FCRLA: variants seen among roughly 807,000 people sequenced by gnomAD.
FCRLA encodes Fc receptor like A.
FCRLA carries 26 observed loss-of-function variants against 28.4 expected under a neutral mutation model. That is an observed-to-expected ratio of 0.91 (90% CI 0.67 to 1.27). FCRLA has a LOEUF of 1.27. Among genes scored for constraint, FCRLA ranks in the 50% most tolerant of loss-of-function variants. FCRLA has a pLI of 0.00. For missense variants in FCRLA, 422 were observed against 433.1 expected (o/e 0.97, Z 0.23); for synonymous variants, 174 against 168.5 (o/e 1.03, Z -0.25).
chr1:161,707,315 T>C lies in FCRLA; in HGVS notation c.51T>C (p.Gly17=), dbSNP rs2298025. 1,970 of 1,612,966 alleles carry C rather than the reference T, an allele frequency of 1.2e-3. 50 individuals are homozygous for C. In the East Asian group the frequency reaches 0.038, roughly 31 times the overall value. ...CCTGGGCCCTCTACCTTTCCCTTGG[T>C]GTGCTCTGGGTGGCCCAGATGCTAC... The part of the protein sequence containing the change: ...LMAWALYLSL[G]VLWVAQMLLA... The change falls in exon 1 of 5, where the codon GGT becomes GGC. Residue 17 remains glycine, a synonymous_variant. Coordinates refer to ENST00000236938, the MANE Select transcript of FCRLA (RefSeq NM_032738.4).
At chr1:161,708,964 T>C (rs891644034) in intron 1 of FCRLA, among the ~76,000 whole-genome samples, 1 of 152,194 alleles carries the variant, frequency 6.6e-6, no homozygotes, top group African/African-American at 2.4e-5. Context: ...TGGAATCAGA[T>C]ACTCCTGTTT....
At chr1:161,712,413 G>A (rs1338567074) in intron 4 of FCRLA, among the ~76,000 whole-genome samples, 195 bp downstream of exon 4, 1 of 152,154 alleles carries the variant, frequency 6.6e-6, no homozygotes, top group African/African-American at 2.4e-5. Flanking sequence ...TCAGACTGTG[G>A]TGCACACCTC....
At position 161,707,276 on chromosome 1, in the gene FCRLA, C is replaced by A. The variant is rs754869441; in HGVS notation, c.12C>A (p.Gly4=). ...TAAACACAGTCACCATGAAGCTGGGCTGTGTCCTCATGGCCTGGGCCCTCT... is the reference window on the plus strand; with the variant it reads ...TAAACACAGTCACCATGAAGCTGGGATGTGTCCTCATGGCCTGGGCCCTCT... MKL[G]CVLMAWALYL... is the part of the protein sequence containing the mutation. The change falls in exon 1 of 5, where the codon GGC becomes GGA. Residue 4 remains glycine (G), a synonymous_variant. Coordinates refer to ENST00000236938, the MANE Select transcript of FCRLA (RefSeq NM_032738.4). The A allele has an allele frequency of 1.2e-6, 2 of 1,614,020 alleles. No homozygotes were observed. The highest frequency in any genetic ancestry group is 8.5e-7 in the Non-Finnish European group (1 of 1,179,936).
At chr1:161,710,325 G>A (rs999346342) in intron 1 of FCRLA, 41 of 695,776 alleles carry the variant, frequency 5.9e-5, no homozygotes, top group African/African-American at 2.7e-4. Flanking sequence ...TACCTGGAAA[G>A]TTTGTGAGGA....
At position 161,712,000 on chromosome 1, in the gene FCRLA, C is replaced by T. The variant is rs768951943; in HGVS notation, c.566C>T (p.Thr189Ile). Residue 189 changes from threonine (T) to isoleucine (I), a missense_variant, in exon 4 of 5, where the codon ACC (threonine) becomes ATC (isoleucine). By Grantham distance (89) the Thr-to-Ile change is moderately conservative. Transcript: ENST00000236938. ...SAEPQAGSPM[T>I]LSCQTKLPLQ... is the part of the protein sequence containing the mutation. ...GAACCCCAAGCAGGAAGCCCCATGA[C>T]CCTGAGTTGTCAGACAAAGTTGCCC... is the stretch of plus-strand genomic sequence containing the variant. 6 of 1,614,006 alleles carry T rather than the reference C, an allele frequency of 3.7e-6. No homozygotes were observed. In the Admixed American group the frequency reaches 5.0e-5, roughly 13 times the overall value.
chr1:161,710,298 A>G (rs72704082), intron 1 of FCRLA: 138 of 622,466 alleles, frequency 2.2e-4, no homozygotes, highest in Admixed American at 4.8e-4. Flanking sequence ...AGATTATAAA[A>G]TGAGGATAAA....
chr1:161,713,038 C>T (rs1253922091), intron 4 of FCRLA, 47 bp from the exon 5 acceptor site: 1 of 1,560,260 alleles, frequency 6.4e-7, no homozygotes, highest in Non-Finnish European at 8.7e-7. Flanking sequence ...AGGGAAGGGC[C>T]AGAGTCAGAC....
Position 161,713,514 on chromosome 1 carries a change from G to A in FCRLA, c.*134G>A, listed in dbSNP as rs1039390828. 1.4e-5 allele frequency: 10 copies of A among 691,752 alleles called. No homozygotes were observed. The highest frequency in any genetic ancestry group is 6.3e-5 in the Admixed American group (2 of 31,872). The allele number at this position is 691,752 out of a possible 1,614,324, so 42.9% of individuals were successfully genotyped here. ...GTGTTTTGTTAGAATAATGTAGTTA[G>A]GTGAGTGTAAATAAATTTATATAAA... On this transcript the variant is annotated 3_prime_UTR_variant, in exon 5 of 5. Coordinates refer to ENST00000236938, the MANE Select transcript of FCRLA (RefSeq NM_032738.4).
chr1:161,709,078 C>T (rs540365052), intron 1 of FCRLA, among the ~76,000 whole-genome samples: 2 of 152,240 alleles, frequency 1.3e-5, no homozygotes, highest in South Asian at 2.1e-4. Context: ...TAATACCTAC[C>T]ACCTAAGGTT....
At chr1:161,709,970 A>T (rs1683015252) in intron 1 of FCRLA, among the ~76,000 whole-genome samples, 2 of 152,178 alleles carry the variant, frequency 1.3e-5, no homozygotes, top group South Asian at 4.1e-4. Flanking sequence ...CAAGTGGCAG[A>T]GGACATTAAA....
In FCRLA at chr1:161,711,990, A is replaced by G. The variant is rs2275603; in HGVS notation, c.556A>G (p.Ser186Gly). 411,686 of 1,613,732 alleles carry G rather than the reference A, an allele frequency of 0.26. 64,369 individuals carry two copies. Among genetic ancestry groups the G allele is most frequent in the African/African-American group, 0.66 (49,760 of 74,870 alleles). Residue 186 changes from serine to glycine, a missense_variant, in exon 4 of 5, where the codon AGC (serine) becomes GGC (glycine). Physicochemically the swap from Ser to Gly is moderately conservative, Grantham distance 56. Around this residue, in one of 3 missense-constraint regions of FCRLA, gnomAD observed 6 missense variants for 20.4 expected, o/e 0.29. Coordinates refer to ENST00000236938, the MANE Select transcript of FCRLA (RefSeq NM_032738.4). Reference protein sequence around the residue: ...AVPSAEPQAGSPMTLSCQTKL... With the variant: ...AVPSAEPQAGGPMTLSCQTKL... ...ACCCTCAGCTGAACCCCAAGCAGGAAGCCCCATGACCCTGAGTTGTCAGAC... is the reference window on the plus strand; with the variant it reads ...ACCCTCAGCTGAACCCCAAGCAGGAGGCCCCATGACCCTGAGTTGTCAGAC...
In FCRLA at chr1:161,707,350, A is replaced by G. The variant is rs751579406; in HGVS notation, c.79+7A>G. Reference sequence around the variant, plus strand: ...GTGGCCCAGATGCTACTGGGTAAGTAAAATATTTGAATATTGGTGTGGGAA... The same window carrying G: ...GTGGCCCAGATGCTACTGGGTAAGTGAAATATTTGAATATTGGTGTGGGAA... On this transcript the variant is annotated splice_region_variant and intron_variant, in intron 1 of 4. Coordinates refer to ENST00000236938, the MANE Select transcript of FCRLA (RefSeq NM_032738.4). 5 of 1,575,706 alleles carry G rather than the reference A, an allele frequency of 3.2e-6. No individual in the cohort carries two copies. The highest frequency in any genetic ancestry group is 1.2e-5 in the South Asian group (1 of 85,220).
chr1:161,708,343 A>G (rs1682933449), intron 1 of FCRLA, among the ~76,000 whole-genome samples: 1 of 152,190 alleles, frequency 6.6e-6, no homozygotes, highest in African/African-American at 2.4e-5. Flanking sequence ...TTGTTCATAG[A>G]AGCAGTCCCT....
chr1:161,710,491 C>G (rs766531606), intron 1 of FCRLA: 1 of 1,550,742 alleles, frequency 6.4e-7, no homozygotes, highest in Non-Finnish European at 8.7e-7. Context: ...GATGTCATGC[C>G]GGTGAGTTTC....
chr1:161,712,311 T>G (rs934864069), intron 4 of FCRLA, 93 bp downstream of exon 4: 14 of 1,457,050 alleles, frequency 9.6e-6, no homozygotes, highest in Non-Finnish European at 8.4e-6. Context: ...TGGGGTTCAG[T>G]GTGAGCAGGT....
At position 161,707,379 on chromosome 1, in the gene FCRLA, A is replaced by C. The variant is rs752710859; in HGVS notation, c.79+36A>C. The stretch of plus-strand genomic sequence containing the variant: ...TATTTGAATATTGGTGTGGGAATGG[A>C]GCTTTGCTTACCTTGGGAGAAAGGA... On this transcript the variant is annotated intron_variant, in intron 1 of 4. Coordinates refer to ENST00000236938, the MANE Select transcript of FCRLA (RefSeq NM_032738.4). The C allele has an allele frequency of 2.9e-5, 44 of 1,543,834 alleles. No homozygotes were observed. The East Asian group carries it at 1.0e-3, about 35-fold the overall frequency.
At chr1:161,712,979 G>C (rs1571069023) in intron 4 of FCRLA, 106 bp from the exon 5 acceptor site, 1 of 1,308,220 alleles carries the variant, frequency 7.6e-7, no homozygotes, top group Non-Finnish European at 1.1e-6. Context: ...TGCTGCCATT[G>C]GGCCCCACAG....
At position 161,713,081 on chromosome 1, in the gene FCRLA, T is replaced by C. The variant is rs139816319; in HGVS notation, c.785-4T>C. 4.4e-4 allele frequency: 704 copies of C among 1,609,648 alleles called. 3 individuals are homozygous for C. In the African/African-American group the frequency reaches 8.3e-3, roughly 19 times the overall value. Reference sequence around the variant, plus strand: ...TTGTATGTGCCTCCTGCCCCATAATTCAGGTGCTTCCAGCTCTGCTGCACC... The same window carrying C: ...TTGTATGTGCCTCCTGCCCCATAATCCAGGTGCTTCCAGCTCTGCTGCACC... On this transcript the variant is annotated splice_polypyrimidine_tract_variant and splice_region_variant and intron_variant, in intron 4 of 4. Transcript: ENST00000236938.
At chr1:161,711,801 A>G (rs1010990213) in intron 3 of FCRLA, 133 bp from the exon 4 acceptor site, 1 of 1,117,806 alleles carries the variant, frequency 8.9e-7, no homozygotes, top group Non-Finnish European at 1.3e-6. Flanking sequence ...ACAGATTCAA[A>G]TGGAATCTAA....
Sources: allele counts gnomAD v4.1 joint callset (sites outside exome capture counted in the v4.1 genomes callset), GRCh38; gene constraint gnomAD v4.1.1; regional missense constraint gnomAD v4.1.1; transcripts MANE v1.5; gene names NCBI Gene and HGNC (gene_info 2026-07-23, HGNC 2026-07-21).